Variants in CAP2 observed in about 807,000 individuals in gnomAD.
CAP2 encodes cyclase associated actin cytoskeleton regulatory protein 2, also known as adenylyl cyclase-associated protein 2.
Under a neutral mutation model 57.7 loss-of-function variants are expected in CAP2, and 24 were observed. The observed-to-expected ratio is 0.42, with a 90% confidence interval of 0.30 to 0.58. CAP2 has a LOEUF of 0.58. Among genes scored for constraint, CAP2 ranks in the 20% least tolerant of loss-of-function variants. The pLI is 0.22. For synonymous variants in CAP2, 194 were observed against 207.2 expected (o/e 0.94, Z 0.55); for missense variants, 501 against 590.3 (o/e 0.85, Z 1.57).
At chr6:17,434,048 A>G (rs1759810432) in intron 3 of CAP2, among the ~76,000 whole-genome samples, 1 of 152,130 alleles carries the variant, frequency 6.6e-6, no homozygotes, top group African/African-American at 2.4e-5. Context: ...AAAATCACCA[A>G]GATACCTTGC....
Position 17,474,676 on chromosome 6 carries a change from A to G in CAP2, c.300+11603A>G, listed in dbSNP as rs141985394. ...CCTATGTAGTAGTCTCTGTCAAACA[A>G]CAAGTAACTTCTGAAATAACTGTTA... On this transcript the variant is annotated intron_variant, in intron 4 of 12. Transcript: ENST00000229922. Among the ~76,000 whole-genome samples the G allele has an allele frequency of 7.2e-5, 11 of 152,270 alleles. No individual in the cohort carries two copies. The East Asian group carries it at 2.1e-3, about 29-fold the overall frequency.
At chr6:17,517,638 C>T (rs922530421) in intron 7 of CAP2, among the ~76,000 whole-genome samples, 6 of 152,142 alleles carry the variant, frequency 3.9e-5, no homozygotes, top group East Asian at 1.9e-4. Flanking sequence ...TGGTGGCTCA[C>T]GCCTGTAATC....
At chr6:17,555,063 C>T (rs12197155) in intron 12 of CAP2, among the ~76,000 whole-genome samples, 1,848 of 152,274 alleles carry the variant, frequency 0.012, 19 homozygotes, top group Non-Finnish European at 0.019. Context: ...GGGATAAAAC[C>T]TTTCTACTCC....
intron 4 of CAP2, among the ~76,000 whole-genome samples, chr6:17,479,054 CCT>C (rs1457430810): frequency 2.6e-5 from 4 of 152,170 alleles, no homozygotes; most frequent in Non-Finnish European, 5.9e-5. Context: ...TGGTCTCTCC[CCT>C]GTCAGTTTCA....
At chr6:17,430,512 A>T (rs1424290829) in intron 3 of CAP2, among the ~76,000 whole-genome samples, 1 of 151,500 alleles carries the variant, frequency 6.6e-6, no homozygotes, top group Non-Finnish European at 1.5e-5. Flanking sequence ...GACATCATTT[A>T]TCCATAAATA....
At chr6:17,550,482 G>T (rs1246024636) in intron 11 of CAP2, among the ~76,000 whole-genome samples, 1 of 126,472 alleles carries the variant, frequency 7.9e-6, no homozygotes, top group Non-Finnish European at 1.6e-5. Context: ...AGGAAACAGA[G>T]AACTAGAGTG....
intron 7 of CAP2, among the ~76,000 whole-genome samples, chr6:17,516,243 T>C (rs557905911): frequency 1.3e-5 from 2 of 152,310 alleles, no homozygotes; most frequent in East Asian, 3.9e-4. Context: ...TACTGTGTGC[T>C]TTTGGGACTC....
intron 7 of CAP2, among the ~76,000 whole-genome samples, chr6:17,517,783 C>T (rs962405594): frequency 1.3e-5 from 2 of 152,056 alleles, no homozygotes; most frequent in Non-Finnish European, 2.9e-5. Flanking sequence ...CACCTGTAAT[C>T]CCAGCTACTT....
intron 1 of CAP2, among the ~76,000 whole-genome samples, chr6:17,418,764 T>C (rs2113528121): frequency 6.6e-6 from 1 of 152,290 alleles, no homozygotes; most frequent in South Asian, 2.1e-4. Flanking sequence ...TGGGCAACTA[T>C]TAAAAGATTT....
chr6:17,497,718 A>C (rs1477877784), intron 4 of CAP2, among the ~76,000 whole-genome samples: 1 of 152,162 alleles, frequency 6.6e-6, no homozygotes, highest in Non-Finnish European at 1.5e-5. Flanking sequence ...TCTGTCTCCC[A>C]TATTCATTAG....
chr6:17,531,107 A>G (rs1217409859), intron 7 of CAP2: 34 of 762,162 alleles, frequency 4.5e-5, no homozygotes, highest in South Asian at 1.6e-4. Flanking sequence ...ATTTACCGAG[A>G]GATTGAGCCA....
At chr6:17,413,915 A>G (rs974169957) in intron 1 of CAP2, among the ~76,000 whole-genome samples, 5 of 152,080 alleles carry the variant, frequency 3.3e-5, no homozygotes, top group African/African-American at 1.2e-4. Context: ...TTAGCCTGGC[A>G]TGGTGGAGGG....
chr6:17,455,549 T>A (rs1760537014), intron 3 of CAP2, among the ~76,000 whole-genome samples: 1 of 151,992 alleles, frequency 6.6e-6, no homozygotes, highest in African/African-American at 2.4e-5. Context: ...CTTTTTTTTT[T>A]TTTTGAGACA....
At chr6:17,462,384 A>C (rs1218362806) in intron 3 of CAP2, among the ~76,000 whole-genome samples, 1 of 152,154 alleles carries the variant, frequency 6.6e-6, no homozygotes, top group East Asian at 1.9e-4. Flanking sequence ...TGGGGCTCAA[A>C]CATTTTTTAA....
chr6:17,524,573 C>A (rs1762460444), intron 7 of CAP2, among the ~76,000 whole-genome samples: 1 of 152,072 alleles, frequency 6.6e-6, no homozygotes, highest in Admixed American at 6.6e-5. Flanking sequence ...GACCATTCTG[C>A]CATTATATTT....
In CAP2 at chr6:17,430,206, G is replaced by A. The variant is rs539771225; in HGVS notation, c.222+3516G>A. Among the ~76,000 whole-genome samples the A allele has an allele frequency of 7.2e-5, 11 of 152,240 alleles. No individual in the cohort carries two copies. In the South Asian group the frequency reaches 2.1e-3, roughly 29 times the overall value. ...TGACAGAACAGACCACAAAAAAGGG[G>A]ATCTAATAGCTACAATTAGGAATCT... is the stretch of plus-strand genomic sequence containing the variant. On this transcript the variant is annotated intron_variant, in intron 3 of 12. Coordinates refer to ENST00000229922, the MANE Select transcript of CAP2 (RefSeq NM_006366.3).
At chr6:17,433,930 G>A (rs1269885731) in intron 3 of CAP2, among the ~76,000 whole-genome samples, 2 of 152,084 alleles carry the variant, frequency 1.3e-5, no homozygotes, top group African/African-American at 2.4e-5. Flanking sequence ...CACACTTAGA[G>A]CTTTGGGGAC....
chr6:17,415,484 T>G lies in CAP2; in HGVS notation c.-1-6071T>G, dbSNP rs140405863. On this transcript the variant is annotated intron_variant, in intron 1 of 12. Coordinates refer to ENST00000229922, the MANE Select transcript of CAP2 (RefSeq NM_006366.3). ...TAGCATCTTCTTTTAAATGAAAATT[T>G]CTCCTATGAAAATCTGGCTTTCAGC... Among the ~76,000 whole-genome samples, 563 of 152,336 alleles carry G rather than the reference T, an allele frequency of 3.7e-3. 6 individuals carry two copies. Among genetic ancestry groups the G allele is most frequent in the African/African-American group, 0.013 (533 of 41,580 alleles).
At chr6:17,421,889 C>T (rs528264927) in intron 2 of CAP2, among the ~76,000 whole-genome samples, 1 of 152,346 alleles carries the variant, frequency 6.6e-6, no homozygotes, top group East Asian at 1.9e-4. Flanking sequence ...TTATCAGTAT[C>T]TGTGCCTTTT....
Sources: allele counts gnomAD v4.1 joint callset (sites outside exome capture counted in the v4.1 genomes callset), GRCh38; gene constraint gnomAD v4.1.1; transcripts MANE v1.5; gene names NCBI Gene and HGNC (gene_info 2026-07-23, HGNC 2026-07-21).